The following ARHGEF4 variants were observed in gnomAD, a reference collection of about 807,000 sequenced individuals.
The protein encoded by ARHGEF4 is Rho guanine nucleotide exchange factor 4, also known as APC-stimulated guanine nucleotide exchange factor 1.
ARHGEF4 carries 119 observed loss-of-function variants against 162.0 expected under a neutral mutation model. The observed-to-expected ratio is 0.73, with a 90% CI of 0.63 to 0.86. The LOEUF is 0.86. ARHGEF4 is among the 40% of genes least tolerant of loss of function. ARHGEF4 has a pLI of 0.00. For synonymous variants in ARHGEF4, 1,014 were observed against 979.9 expected (o/e 1.03, Z -0.65); for missense variants, 2,488 against 2,456.0 (o/e 1.01, Z -0.28).
intron 4 of ARHGEF4, among the ~76,000 whole-genome samples, chr2:130,948,605 A>T (rs994251201): frequency 3.9e-5 from 6 of 152,246 alleles, no homozygotes; most frequent in Non-Finnish European, 8.8e-5. Context: ...AGATGAGTTC[A>T]TTGCAGAGGA....
chr2:130,913,369 T>C (rs1046675276), intron 1 of ARHGEF4, among the ~76,000 whole-genome samples: 2 of 152,238 alleles, frequency 1.3e-5, no homozygotes, highest in Non-Finnish European at 2.9e-5. Flanking sequence ...TCTCAATAAG[T>C]AGTTTAAGAA....
chr2:130,854,779 T>C (rs1681640274), intron 1 of ARHGEF4, among the ~76,000 whole-genome samples: 1 of 152,158 alleles, frequency 6.6e-6, no homozygotes, highest in African/African-American at 2.4e-5. Flanking sequence ...CCCAGCTCTG[T>C]GTTCTGATGC....
At chr2:130,984,888 T>A (rs1686378153) in intron 4 of ARHGEF4, among the ~76,000 whole-genome samples, 1 of 151,848 alleles carries the variant, frequency 6.6e-6, no homozygotes, top group Admixed American at 6.6e-5. Context: ...CTTAGGAATT[T>A]CCCAAATTGA....
intron 1 of ARHGEF4, among the ~76,000 whole-genome samples, chr2:130,900,916 A>G (rs963264760): frequency 3.3e-5 from 5 of 152,144 alleles, no homozygotes; most frequent in African/African-American, 1.2e-4. Context: ...AGCATTTGCA[A>G]TGCTATCCTG....
intron 2 of ARHGEF4, 118 bp downstream of exon 2, chr2:130,917,616 C>T: frequency 7.5e-7 from 1 of 1,326,914 alleles, no homozygotes; most frequent in Non-Finnish European, 1.0e-6. Context: ...CAAAATTGCC[C>T]CCGTTACACT....
intron 1 of ARHGEF4, among the ~76,000 whole-genome samples, chr2:130,855,779 T>C (rs1681734081): frequency 6.6e-6 from 1 of 152,322 alleles, no homozygotes; most frequent in South Asian, 2.1e-4. Flanking sequence ...CTAAGCCGGC[T>C]AAGTCGTTAT....
chr2:130,981,318 A>G (rs1573515657), intron 4 of ARHGEF4, among the ~76,000 whole-genome samples: 1 of 152,248 alleles, frequency 6.6e-6, no homozygotes, highest in Non-Finnish European at 1.5e-5. Flanking sequence ...ACTAAAAAAC[A>G]TCAGTTTTAT....
At position 130,916,076 on chromosome 2, in the gene ARHGEF4, C is replaced by T; in HGVS notation, c.2130C>T (p.Ala710=). ...GDGALQRVAQ[A]AELGRVLVPQ... ...GGGCTCTTCAGCGGGTGGCCCAGGC[C>T]GCAGAGCTTGGGAGAGTGCTGGTCC... Residue 710 remains alanine, a synonymous_variant, in exon 2 of 14, where the codon GCC becomes GCT. Coordinates refer to ENST00000409359, the MANE Select transcript of ARHGEF4 (RefSeq NM_001367493.1). The T allele has an allele frequency of 6.5e-7, 1 of 1,550,304 alleles. No individual in the cohort carries two copies. Among genetic ancestry groups the T allele is most frequent in the Non-Finnish European group, 8.7e-7 (1 of 1,146,952 alleles).
At chr2:130,939,623 A>G (rs1318273144) in intron 3 of ARHGEF4, among the ~76,000 whole-genome samples, 2 of 152,206 alleles carry the variant, frequency 1.3e-5, no homozygotes, top group Non-Finnish European at 2.9e-5. Flanking sequence ...CTTGTCTACA[A>G]ATGCTTTGCT....
In ARHGEF4 at chr2:131,023,074, C is replaced by CAAAAAAAAAAAA. The variant is rs56868632; in HGVS notation, c.3986-4861_3986-4850dup. Among the ~76,000 whole-genome samples, 65 of 66,620 alleles carry CAAAAAAAAAAAA rather than the reference C, an allele frequency of 9.8e-4. 23 individuals carry two copies. Among genetic ancestry groups the CAAAAAAAAAAAA allele is most frequent in the East Asian group, 1.6e-3 (3 of 1,900 alleles). 43.7% of individuals were successfully genotyped at this position (66,620 alleles called of 152,430 possible). On this transcript the variant is annotated intron_variant, in intron 4 of 13. Transcript: ENST00000409359. Reference sequence around the variant, plus strand: ...TGGGCAACATGGTGAAACCCTGTCTCAAAAAAAAAAAAAAAAAAAAAGAAC... The same window carrying CAAAAAAAAAAAA: ...TGGGCAACATGGTGAAACCCTGTCTCAAAAAAAAAAAAAAAAAAAAAAAAAAAAAAAAAGAAC...
In ARHGEF4 at chr2:130,998,434, G is replaced by A. The variant is rs144373783; in HGVS notation, c.3986-29511G>A. Among the ~76,000 whole-genome samples, 231 of 152,266 alleles carry A rather than the reference G, an allele frequency of 1.5e-3. 2 individuals are homozygous for A. The East Asian group carries it at 0.024, about 16-fold the overall frequency. On this transcript the variant is annotated intron_variant, in intron 4 of 13. Coordinates refer to ENST00000409359, the MANE Select transcript of ARHGEF4 (RefSeq NM_001367493.1). Reference sequence around the variant, plus strand: ...TGTCTACCATCCAGTACCATACAGAGAAATTTCAGTGCCCTAATGATCCCC... The same window carrying A: ...TGTCTACCATCCAGTACCATACAGAAAAATTTCAGTGCCCTAATGATCCCC...
intron 1 of ARHGEF4, among the ~76,000 whole-genome samples, chr2:130,874,348 G>T (rs544073958): frequency 6.6e-6 from 1 of 152,360 alleles, no homozygotes; most frequent in South Asian, 2.1e-4. Flanking sequence ...GGGGAGCTGA[G>T]GAGCCTTCTG....
intron 1 of ARHGEF4, among the ~76,000 whole-genome samples, chr2:130,901,505 C>G (rs540255480): frequency 6.6e-6 from 1 of 151,298 alleles, no homozygotes; most frequent in Non-Finnish European, 1.5e-5. Flanking sequence ...ATCTCCCCTG[C>G]GATCCAGAGC....
intron 2 of ARHGEF4, among the ~76,000 whole-genome samples, chr2:130,919,913 T>C (rs949973720): frequency 2.6e-5 from 4 of 151,974 alleles, no homozygotes; most frequent in African/African-American, 9.7e-5. Flanking sequence ...TCTGTCTCTA[T>C]GTGTCTGTGT....
chr2:131,006,569 GGGGAGCTA>G (rs1688125711), intron 4 of ARHGEF4, among the ~76,000 whole-genome samples: 1 of 152,198 alleles, frequency 6.6e-6, no homozygotes. Context: ...GTTAGGGAAT[GGGGAGCTA>G]ATTTGCATTT....
chr2:130,887,792 C>T lies in ARHGEF4; in HGVS notation c.40-26194C>T, dbSNP rs904257057. Among the ~76,000 whole-genome samples, 16 of 152,250 alleles carry T rather than the reference C, an allele frequency of 1.1e-4. 1 individual carries two copies. Among genetic ancestry groups the T allele is most frequent in the Admixed American group, 9.8e-4 (15 of 15,302 alleles). On this transcript the variant is annotated intron_variant, in intron 1 of 13. Transcript: ENST00000409359. The stretch of plus-strand genomic sequence containing the variant: ...CTGTGGTTGGCCCGGCTGTCCTCAC[C>T]ATGTGGTCTCCAGGACGGCGTCCTT...
rs1681515109 is a variant in ARHGEF4 at position 130,916,616 on chromosome 2, T to C, written c.2670T>C (p.Ser890=). The change falls in exon 2 of 14, where the codon TCT becomes TCC. Residue 890 remains serine (S), a synonymous_variant. Transcript: ENST00000409359. ...SGDLGSRGPS[S]ESCNAKRLKT... ...ATCTTGGTAGCCGAGGGCCTTCCTCTGAGAGCTGCAACGCAAAGAGACTCA... is the reference window on the plus strand; with the variant it reads ...ATCTTGGTAGCCGAGGGCCTTCCTCCGAGAGCTGCAACGCAAAGAGACTCA... 1 of 1,550,432 alleles carries C rather than the reference T, an allele frequency of 6.4e-7. No individual in the cohort carries two copies. The highest frequency in any genetic ancestry group is 8.7e-7 in the Non-Finnish European group (1 of 1,146,984).
rs1258171247 is a variant in ARHGEF4 at position 130,917,011 on chromosome 2, A to G, written c.3065A>G (p.His1022Arg). 6 of 1,550,944 alleles carry G rather than the reference A, an allele frequency of 3.9e-6. No homozygotes were observed. In the Admixed American group the frequency reaches 1.2e-4, roughly 30 times the overall value. ...TCCTCCAGTTTAGTTTCTCCAGAAC[A>G]CAGGAGGAAAAGTGAACCGACCATC... ...PLSSSLVSPEHRRKSEPTIKC... is the reference protein window; with the variant it reads ...PLSSSLVSPERRRKSEPTIKC... Residue 1022 changes from histidine (H) to arginine (R), a missense_variant, in exon 2 of 14, where the codon CAC (histidine) becomes CGC (arginine). His to Arg is a conservative substitution (Grantham distance 29). Around this residue, in one of 6 missense-constraint regions of ARHGEF4, gnomAD observed 1,642 missense variants for 1,481.5 expected, o/e 1.11. Transcript: ENST00000409359.
In ARHGEF4 at chr2:131,046,080, C is replaced by T. The variant is rs746136035; in HGVS notation, c.5522C>T (p.Ala1841Val). ...TACCTGACGCGCCAGAAGCACCCAG[C>T]CCTGCCCAGCAACCGGCCCCAGCAG... ...PCYLTRQKHPALPSNRPQQQV... is the reference protein window; with the variant it reads ...PCYLTRQKHPVLPSNRPQQQV... The change falls in exon 14 of 14, where the codon GCC becomes GTC. Residue 1841 changes from alanine (A) to valine (V), a missense_variant. Coordinates refer to ENST00000409359, the MANE Select transcript of ARHGEF4 (RefSeq NM_001367493.1). 5 of 1,612,790 alleles carry T rather than the reference C, an allele frequency of 3.1e-6. No individual in the cohort carries two copies. The highest frequency in any genetic ancestry group is 3.4e-6 in the Non-Finnish European group (4 of 1,179,874).
Sources: allele counts gnomAD v4.1 joint callset (sites outside exome capture counted in the v4.1 genomes callset), GRCh38; gene constraint gnomAD v4.1.1; regional missense constraint gnomAD v4.1.1; transcripts MANE v1.5; gene names NCBI Gene and HGNC (gene_info 2026-07-23, HGNC 2026-07-21).